PAIP1: variants seen among roughly 807,000 people sequenced by gnomAD.
PAIP1 encodes the protein poly(A) binding protein interacting protein 1, also known as polyadenylate-binding protein-interacting protein 1.
Under a neutral mutation model 61.3 loss-of-function variants are expected in PAIP1, and 16 were observed. That is an observed-to-expected ratio of 0.26 (90% CI 0.18 to 0.40). The LOEUF is 0.40. Ranked by LOEUF, PAIP1 falls within the 10% of genes least tolerant of loss-of-function variation. The pLI is 1.00. For missense variants in PAIP1, 416 were observed against 600.9 expected (o/e 0.69, Z 3.22); for synonymous variants, 187 against 226.2 (o/e 0.83, Z 1.56).
intron 9 of PAIP1, among the ~76,000 whole-genome samples, chr5:43,530,765 G>GTCA (rs1746899700): frequency 6.6e-6 from 1 of 152,060 alleles, no homozygotes; most frequent in Non-Finnish European, 1.5e-5. Flanking sequence ...GAAAATCCAA[G>GTCA]TCATCAGGTC....
intron 3 of PAIP1, among the ~76,000 whole-genome samples, chr5:43,543,580 G>A (rs1316783858): frequency 2.0e-5 from 3 of 152,002 alleles, no homozygotes. Flanking sequence ...AAACCTCCCT[G>A]AGCTTCAGTT....
intron 1 of PAIP1, chr5:43,556,341 C>G (rs1471884107): frequency 8.1e-7 from 1 of 1,235,924 alleles, no homozygotes; most frequent in East Asian, 3.2e-5. Flanking sequence ...CTCCCGGGAC[C>G]CCGAACTCCG....
intron 10 of PAIP1, among the ~76,000 whole-genome samples, chr5:43,528,224 G>C (rs1354407102): frequency 6.6e-6 from 1 of 152,176 alleles, no homozygotes; most frequent in Non-Finnish European, 1.5e-5. Context: ...AAGGTTAAAT[G>C]AACAATGTAA....
chr5:43,554,538 C>T (rs1747990104), intron 2 of PAIP1, among the ~76,000 whole-genome samples: 1 of 152,038 alleles, frequency 6.6e-6, no homozygotes, highest in African/African-American at 2.4e-5. Context: ...AAACATGGAA[C>T]ACAGCTTTTT....
intron 2 of PAIP1, among the ~76,000 whole-genome samples, chr5:43,551,885 G>C (rs1040177204): frequency 6.6e-5 from 10 of 151,974 alleles, no homozygotes; most frequent in Non-Finnish European, 1.2e-4. Context: ...AAAAAAAGGA[G>C]GCATAGAGTA....
At chr5:43,527,568 T>C in intron 10 of PAIP1, 99 bp from the exon 11 acceptor site, 1 of 1,056,864 alleles carries the variant, frequency 9.5e-7, no homozygotes, top group Non-Finnish European at 1.3e-6. Context: ...TTTCCTAGAC[T>C]GACTTATAAT....
intron 9 of PAIP1, among the ~76,000 whole-genome samples, chr5:43,531,014 A>G (rs60297702): frequency 0.49 from 73,965 of 152,014 alleles, 18,856 homozygotes; most frequent in Middle Eastern, 0.63. Flanking sequence ...AAGGTGAATC[A>G]GGAAAAAAGA....
chr5:43,538,846 TGTGA>T lies in PAIP1; in HGVS notation c.846+74_846+77del. On this transcript the variant is annotated intron_variant, in intron 5 of 10. Coordinates refer to ENST00000306846, the MANE Select transcript of PAIP1 (RefSeq NM_006451.5). ...CACTCTTAATGTTGTAAAAGTACAA[TGTGA>T]ACACAAATTCCTCATTGAGATCAAC... 3.9e-6 allele frequency: 3 copies of T among 771,440 alleles called. No homozygotes were observed. In the South Asian group the frequency reaches 4.6e-5, roughly 12 times the overall value. 47.8% of individuals were successfully genotyped at this position (771,440 alleles called of 1,614,324 possible).
intron 6 of PAIP1, among the ~76,000 whole-genome samples, chr5:43,535,850 T>C (rs1010777468): frequency 3.9e-5 from 6 of 152,058 alleles, no homozygotes; most frequent in East Asian, 1.9e-4. Flanking sequence ...AAAAAAACAA[T>C]AGCAGAACTT....
chr5:43,543,905 G>C (rs538754601), intron 3 of PAIP1, among the ~76,000 whole-genome samples: 14 of 152,152 alleles, frequency 9.2e-5, no homozygotes, highest in African/African-American at 2.9e-4. Context: ...ACTCTGGAAG[G>C]CCAAGGCCAG....
At chr5:43,531,742 T>C (rs1746950405) in intron 9 of PAIP1, among the ~76,000 whole-genome samples, 1 of 150,018 alleles carries the variant, frequency 6.7e-6, no homozygotes, top group African/African-American at 2.4e-5. Context: ...TAACAAAAAG[T>C]ACACCTGGGT....
At chr5:43,554,521 G>GT (rs1747989508) in intron 2 of PAIP1, among the ~76,000 whole-genome samples, 1 of 152,064 alleles carries the variant, frequency 6.6e-6, no homozygotes, top group Non-Finnish European at 1.5e-5. Context: ...GAATCATGGA[G>GT]TATCTAAAAC....
chr5:43,529,478 A>C (rs906671104), intron 10 of PAIP1, among the ~76,000 whole-genome samples: 2 of 151,846 alleles, frequency 1.3e-5, no homozygotes, highest in Non-Finnish European at 2.9e-5. Context: ...ATCTCGGCTC[A>C]CTGCAACCTC....
At chr5:43,527,513 C>T in intron 10 of PAIP1, 44 bp from the exon 11 acceptor site, 1 of 1,514,898 alleles carries the variant, frequency 6.6e-7, no homozygotes, top group South Asian at 1.3e-5. Flanking sequence ...TTTTTCAACT[C>T]AGAAAGTAAG....
At chr5:43,543,365 G>T (rs1252280031) in intron 3 of PAIP1, among the ~76,000 whole-genome samples, 1 of 149,568 alleles carries the variant, frequency 6.7e-6, no homozygotes, top group Admixed American at 6.7e-5. Flanking sequence ...ACCAGAAAGC[G>T]AAGAGATAAT....
intron 2 of PAIP1, among the ~76,000 whole-genome samples, chr5:43,553,180 T>C (rs1747929511): frequency 6.6e-6 from 1 of 152,174 alleles, no homozygotes; most frequent in African/African-American, 2.4e-5. Context: ...CATAATGGTT[T>C]GTCTGAGAAG....
chr5:43,531,408 GAAA>G (rs59840328), intron 9 of PAIP1, among the ~76,000 whole-genome samples: 2 of 126,618 alleles, frequency 1.6e-5, no homozygotes, highest in Middle Eastern at 3.8e-3. Flanking sequence ...AATGGTTTAA[GAAA>G]AAAAAAAAAA....
At chr5:43,547,068 A>AAAT (rs1459164818) in intron 3 of PAIP1, among the ~76,000 whole-genome samples, 1 of 150,808 alleles carries the variant, frequency 6.6e-6, no homozygotes, top group Non-Finnish European at 1.5e-5. Flanking sequence ...AAAAAAAAAA[A>AAAT]AGCGTTAATA....
rs529643545 is a variant in PAIP1 at position 43,538,464 on chromosome 5, TA to T, written c.846+459del. Among the ~76,000 whole-genome samples the T allele has an allele frequency of 1.2e-3, 190 of 152,282 alleles. 2 individuals carry two copies. Among genetic ancestry groups the T allele is most frequent in the African/African-American group, 4.5e-3 (187 of 41,558 alleles). ...CCATAAAGATATAATTTTTGTCAAT[TA>T]AAAAAATATTTTTAAAAAACTATTT... On this transcript the variant is annotated intron_variant, in intron 5 of 10. Coordinates refer to ENST00000306846, the MANE Select transcript of PAIP1 (RefSeq NM_006451.5).
Sources: gnomAD v4.1 joint callset for allele counts (sites outside exome capture counted in the v4.1 genomes callset) on GRCh38, gnomAD v4.1.1 for gene constraint, MANE v1.5 for transcripts, NCBI Gene and HGNC (gene_info 2026-07-23, HGNC 2026-07-21) for gene names.